TRPM3: variants seen among roughly 807,000 people sequenced by gnomAD.
The protein encoded by TRPM3 is long transient receptor potential channel 3.
In TRPM3, 77 loss-of-function variants were observed where a neutral mutation model predicts 181.2. The ratio of observed to expected loss-of-function variants is 0.42; its 90% CI spans 0.35 to 0.51. TRPM3 has a LOEUF of 0.51. TRPM3 is among the 20% of genes least tolerant of loss of function. The probability of loss-of-function intolerance (pLI) is 0.01; values close to 1 mark genes in which losing one functional copy is unlikely to be tolerated. For synonymous variants in TRPM3, 745 were observed against 796.4 expected (o/e 0.94, Z 1.09); for missense variants, 1,759 against 2,196.7 (o/e 0.80, Z 3.98).
intron 1 of TRPM3, among the ~76,000 whole-genome samples, chr9:71,229,220 G>A (rs2080888957): frequency 6.6e-6 from 1 of 152,128 alleles, no homozygotes; most frequent in South Asian, 2.1e-4. Context: ...ATTGGGGAAT[G>A]ACATTCTTTT....
At chr9:71,345,111 G>A (rs571927760) in intron 1 of TRPM3, among the ~76,000 whole-genome samples, 1 of 152,324 alleles carries the variant, frequency 6.6e-6, no homozygotes, top group East Asian at 1.9e-4. Flanking sequence ...AGAGGATGTG[G>A]AGAAATAGAA....
intron 12 of TRPM3, among the ~76,000 whole-genome samples, chr9:70,634,444 G>T (rs571766581): frequency 2.6e-5 from 4 of 152,256 alleles, no homozygotes; most frequent in South Asian, 4.1e-4. Flanking sequence ...CTATTTCATA[G>T]AATTGTTGTG....
chr9:71,250,920 G>C (rs566513906), intron 1 of TRPM3, among the ~76,000 whole-genome samples: 1 of 152,040 alleles, frequency 6.6e-6, no homozygotes. Context: ...GGAAGAGAGG[G>C]GGTTTGATTT....
intron 8 of TRPM3, among the ~76,000 whole-genome samples, chr9:70,686,732 T>TC (rs1563995278): frequency 7.4e-6 from 1 of 134,340 alleles, no homozygotes; most frequent in Non-Finnish European, 1.6e-5. Context: ...CTTCCTTCCT[T>TC]CCTTCCTTCC....
At chr9:70,928,759 A>T (rs1183752069) in intron 1 of TRPM3, among the ~76,000 whole-genome samples, 3 of 152,214 alleles carry the variant, frequency 2.0e-5, no homozygotes, top group Non-Finnish European at 2.9e-5. Context: ...ACATGGGTGT[A>T]TGAACAGAAG....
At chr9:70,650,565 T>C (rs1308053006) in intron 9 of TRPM3, among the ~76,000 whole-genome samples, 3 of 152,220 alleles carry the variant, frequency 2.0e-5, no homozygotes, top group African/African-American at 4.8e-5. Flanking sequence ...TTAAATTATG[T>C]ACTTATATTT....
chr9:71,121,636 C>T, upstream of TRPM3: 1 of 1,178,408 alleles, frequency 8.5e-7, no homozygotes, highest in African/African-American at 1.6e-5. Context: ...GCTCCCTCTC[C>T]CGCTCTCCTC....
chr9:70,679,838 G>T (rs1323878592), intron 9 of TRPM3, among the ~76,000 whole-genome samples: 1 of 152,122 alleles, frequency 6.6e-6, no homozygotes, highest in East Asian at 1.9e-4. Flanking sequence ...TTTGAGAATG[G>T]CAAATATAGG....
At chr9:71,114,479 A>G (rs1030123621) in intron 1 of TRPM3, among the ~76,000 whole-genome samples, 1 of 152,222 alleles carries the variant, frequency 6.6e-6, no homozygotes, top group Admixed American at 6.5e-5. Context: ...AATATTAAGC[A>G]GCATTTAAAA....
intron 1 of TRPM3, among the ~76,000 whole-genome samples, chr9:71,330,179 A>C (rs2090007891): frequency 6.6e-6 from 1 of 151,878 alleles, no homozygotes; most frequent in Non-Finnish European, 1.5e-5. Context: ...ACACACAGGA[A>C]CATCTCCCTA....
intron 1 of TRPM3, among the ~76,000 whole-genome samples, chr9:71,016,866 A>T (rs1365406078): frequency 6.6e-6 from 1 of 152,150 alleles, no homozygotes; most frequent in African/African-American, 2.4e-5. Flanking sequence ...CCAACAGTGT[A>T]CAAGTGTTCC....
chr9:71,029,211 T>A (rs966458411), intron 1 of TRPM3, among the ~76,000 whole-genome samples: 1 of 152,202 alleles, frequency 6.6e-6, no homozygotes, highest in African/African-American at 2.4e-5. Flanking sequence ...AAGAAATTAG[T>A]GTATTTTTAT....
intron 1 of TRPM3, among the ~76,000 whole-genome samples, chr9:71,386,552 T>C (rs1339946300): frequency 6.6e-6 from 1 of 152,104 alleles, no homozygotes; most frequent in African/African-American, 2.4e-5. Context: ...CTCTGAACTG[T>C]CTGTGCAATA....
chr9:71,216,050 C>T (rs2079846293), intron 1 of TRPM3, among the ~76,000 whole-genome samples: 1 of 152,182 alleles, frequency 6.6e-6, no homozygotes, highest in Admixed American at 6.5e-5. Flanking sequence ...ATTGTGAAAG[C>T]TAAGCATTTG....
chr9:70,781,414 G>A (rs1319617089), intron 7 of TRPM3, among the ~76,000 whole-genome samples: 2 of 151,464 alleles, frequency 1.3e-5, no homozygotes, highest in Admixed American at 6.6e-5. Context: ...TAGGAAAAGG[G>A]AAAGAATCCC....
intron 1 of TRPM3, among the ~76,000 whole-genome samples, chr9:71,352,877 G>C (rs549016501): frequency 1.3e-5 from 2 of 151,958 alleles, no homozygotes; most frequent in African/African-American, 4.8e-5. Context: ...TTTCCTGCCC[G>C]CTTCCAACAC....
At chr9:70,872,548 CATT>C (rs2132580414) in intron 1 of TRPM3, among the ~76,000 whole-genome samples, 2 of 152,090 alleles carry the variant, frequency 1.3e-5, no homozygotes, top group South Asian at 4.1e-4. Context: ...CACACCGTGT[CATT>C]ATTTATTCCT....
intron 1 of TRPM3, among the ~76,000 whole-genome samples, chr9:70,950,587 G>A (rs2096987449): frequency 6.6e-6 from 1 of 152,192 alleles, no homozygotes. Context: ...CGTTCTTTGT[G>A]TGGAAGCACT....
chr9:70,800,077 CTGAACA>C (rs1395173521), intron 6 of TRPM3, among the ~76,000 whole-genome samples: 1 of 152,126 alleles, frequency 6.6e-6, no homozygotes, highest in Non-Finnish European at 1.5e-5. Flanking sequence ...TGGTTCAACA[CTGAACA>C]TGAACTATTT....
Sources: gnomAD v4.1 joint callset for allele counts (sites outside exome capture counted in the v4.1 genomes callset) on GRCh38, gnomAD v4.1.1 for gene constraint, MANE v1.5 for transcripts, NCBI Gene and HGNC (gene_info 2026-07-23, HGNC 2026-07-21) for gene names.